Variants in MME observed in about 807,000 individuals in gnomAD.
The protein encoded by MME is membrane metalloendopeptidase.
Under a neutral mutation model 113.2 loss-of-function variants are expected in MME, and 98 were observed. The ratio of observed to expected loss-of-function variants is 0.87; its 90% confidence interval spans 0.74 to 1.02. The LOEUF (loss-of-function observed/expected upper bound fraction) is 1.02, where lower values mean the gene tolerates loss of function less well. MME is among the 50% of genes least tolerant of loss of function. The probability of loss-of-function intolerance (pLI) is 0.00; values close to 1 mark genes in which losing one functional copy is unlikely to be tolerated. For missense variants in MME, 836 were observed against 896.0 expected (o/e 0.93, Z 0.86); for synonymous variants, 292 against 300.6 (o/e 0.97, Z 0.30).
rs1442111121 is a variant in MME, at chr3:155,142,272, T to C, written c.1130T>C (p.Met377Thr). 1 of 1,613,572 alleles carries C rather than the reference T, an allele frequency of 6.2e-7. No individual in the cohort carries two copies. The highest frequency in any genetic ancestry group is 1.3e-5 in the African/African-American group (1 of 74,864). ...LQNLMSWRFI[M>T]DLVSSLSRTY... ...AATTTAATGTCCTGGAGATTCATAA[T>C]GGATCTTGTAAGCAGCCTCAGCCGA... is the stretch of plus-strand genomic sequence containing the variant. Residue 377 changes from methionine to threonine, a missense_variant, in exon 12 of 23, where the codon ATG becomes ACG. Coordinates refer to ENST00000360490, the MANE Select transcript of MME (RefSeq NM_007289.4).
intron 1 of MME, among the ~76,000 whole-genome samples, chr3:155,072,849 TGTTTACCAAA>T (rs1449539898): frequency 1.3e-5 from 2 of 152,194 alleles, no homozygotes; most frequent in Non-Finnish European, 2.9e-5. Flanking sequence ...TTTCTAAAAT[TGTTTACCAAA>T]GTTTACCAAA....
At position 155,182,830 on chromosome 3, in the gene MME, A is replaced by G. The variant is rs1485142167; in HGVS notation, c.*2371A>G. 1.3e-5 allele frequency: 2 copies of G among 152,238 alleles called. No individual in the cohort carries two copies. The highest frequency in any genetic ancestry group is 4.8e-5 in the African/African-American group (2 of 41,456). The allele number at this position is 152,238 out of a possible 1,614,324, so 9.4% of individuals were successfully genotyped here. ...GCCTAAAGGATAGATCAAAGTCAAAAATAGCAATGCCTCCCTATCCCTCAC... is the reference window on the plus strand; with the variant it reads ...GCCTAAAGGATAGATCAAAGTCAAAGATAGCAATGCCTCCCTATCCCTCAC... On this transcript the variant is annotated 3_prime_UTR_variant, in exon 23 of 23. Coordinates refer to ENST00000360490, the MANE Select transcript of MME (RefSeq NM_007289.4).
chr3:155,165,696 A>G (rs1723042388), intron 17 of MME, among the ~76,000 whole-genome samples: 1 of 152,188 alleles, frequency 6.6e-6, no homozygotes, highest in Non-Finnish European at 1.5e-5. Flanking sequence ...TGAGACAAGG[A>G]ATGAGAGTAT....
chr3:155,100,794 G>A (rs1275195394), intron 3 of MME, among the ~76,000 whole-genome samples: 2 of 152,192 alleles, frequency 1.3e-5, no homozygotes, highest in Non-Finnish European at 2.9e-5. Flanking sequence ...TGAGGCAGCA[G>A]GATCACTTGA....
intron 1 of MME, among the ~76,000 whole-genome samples, chr3:155,082,907 A>C (rs1411277455): frequency 6.6e-6 from 1 of 152,194 alleles, no homozygotes; most frequent in African/African-American, 2.4e-5. Context: ...GTGTTCAACA[A>C]AGATCTTTAA....
intron 10 of MME, among the ~76,000 whole-genome samples, 164 bp downstream of exon 10, chr3:155,140,456 GC>G (rs1720992513): frequency 3.0e-5 from 3 of 101,422 alleles, no homozygotes; most frequent in South Asian, 6.7e-4. Flanking sequence ...TCACTCTGTT[GC>G]CCAGGCTGGA....
intron 7 of MME, among the ~76,000 whole-genome samples, chr3:155,117,599 G>GTTTTTTTTTTTT (rs5853715): frequency 2.3e-5 from 3 of 131,436 alleles, no homozygotes; most frequent in African/African-American, 5.8e-5. Context: ...TTTTTTTTTT[G>GTTTTTTTTTTTT]TTTTTTTTTT....
At chr3:155,125,279 C>T (rs1376222005) in intron 8 of MME, among the ~76,000 whole-genome samples, 4 of 113,454 alleles carry the variant, frequency 3.5e-5, no homozygotes, top group Non-Finnish European at 4.0e-5. Context: ...CTTCGGCTCA[C>T]GCACGGTGCG....
rs1436633 is a variant in MME at position 155,148,664 on chromosome 3, T to C, written c.1601+11T>C. The C allele has an allele frequency of 0.35, 550,401 of 1,578,692 alleles. 98,203 individuals are homozygous for C. Among genetic ancestry groups the C allele is most frequent in the African/African-American group, 0.44 (32,921 of 74,100 alleles). On this transcript the variant is annotated intron_variant, in intron 16 of 22. Transcript: ENST00000360490. Reference sequence around the variant, plus strand: ...GGTGGACAAAGATGAGTGCGTATATTCTCATTTCTAATGTGATCATCTAGA... The same window carrying C: ...GGTGGACAAAGATGAGTGCGTATATCCTCATTTCTAATGTGATCATCTAGA...
intron 16 of MME, among the ~76,000 whole-genome samples, chr3:155,154,228 C>T (rs1390380948): frequency 6.6e-6 from 1 of 151,966 alleles, no homozygotes; most frequent in East Asian, 1.9e-4. Flanking sequence ...GGTGGCACAC[C>T]TCTGAAATAA....
chr3:155,172,456 C>T, intron 21 of MME, 80 bp from the exon 22 acceptor site: 2 of 1,149,140 alleles, frequency 1.7e-6, no homozygotes, highest in Non-Finnish European at 1.3e-6. Flanking sequence ...TAATTTTTCT[C>T]CTTCCCCTCA....
rs1576606938 is a variant in MME at position 155,118,798 on chromosome 3, G to A, written c.707G>A (p.Gly236Glu). 1 of 1,599,994 alleles carries A rather than the reference G, an allele frequency of 6.3e-7. No homozygotes were observed. Among genetic ancestry groups the A allele is most frequent in the South Asian group, 1.1e-5 (1 of 90,174 alleles). ...TCTAGAGATTACTATGAATGCACTG[G>A]AATCTATAAAGAGGTAAAAAGAAAA... ...LPSRDYYECT[G>E]IYKEACTAYV... Residue 236 changes from glycine to glutamate, a missense_variant, in exon 8 of 23, where the codon GGA (glycine) becomes GAA (glutamate). Physicochemically the swap from Gly to Glu is moderately conservative, Grantham distance 98. Transcript: ENST00000360490.
intron 14 of MME, among the ~76,000 whole-genome samples, chr3:155,146,845 G>A (rs1018650126): frequency 6.6e-6 from 1 of 152,030 alleles, no homozygotes; most frequent in Admixed American, 6.6e-5. Context: ...GAGAGAAAAA[G>A]TTCATAAAAG....
In MME at chr3:155,115,032, C is replaced by A. The variant is rs1005427481; in HGVS notation, c.235C>A (p.Pro79Thr). The A allele has an allele frequency of 6.2e-7, 1 of 1,613,914 alleles. No homozygotes were observed. Among genetic ancestry groups the A allele is most frequent in the Non-Finnish European group, 8.5e-7 (1 of 1,179,986 alleles). Residue 79 changes from proline to threonine, a missense_variant, in exon 4 of 23, where the codon CCT (proline) becomes ACT (threonine). By Grantham distance (38) the Pro-to-Thr change is conservative (BLOSUM62 -1). Coordinates refer to ENST00000360490, the MANE Select transcript of MME (RefSeq NM_007289.4). ...CCAAAACATGGATGCCACCACTGAG[C>A]CTTGTACAGACTTTTTCAAATATGC... is the stretch of plus-strand genomic sequence containing the variant. ...LIQNMDATTE[P>T]CTDFFKYACG...
intron 1 of MME, among the ~76,000 whole-genome samples, chr3:155,053,537 G>A (rs543216189): frequency 1.3e-5 from 2 of 152,200 alleles, no homozygotes; most frequent in Admixed American, 1.3e-4. Flanking sequence ...AACTGTCCCA[G>A]TTATTCAATT....
At chr3:155,074,075 AC>A (rs1298592503) in intron 1 of MME, among the ~76,000 whole-genome samples, 1 of 151,460 alleles carries the variant, frequency 6.6e-6, no homozygotes, top group Non-Finnish European at 1.5e-5. Flanking sequence ...TTTTCCAACT[AC>A]ACCATCCAGG....
upstream of MME, among the ~76,000 whole-genome samples, chr3:155,078,839 C>T (rs1714876780): frequency 6.6e-6 from 1 of 151,910 alleles, no homozygotes; most frequent in African/African-American, 2.4e-5. Flanking sequence ...TGCCTTTGTG[C>T]CTAAAGTATT....
At chr3:155,101,051 A>C (rs1717160568) in intron 3 of MME, among the ~76,000 whole-genome samples, 1 of 152,086 alleles carries the variant, frequency 6.6e-6, no homozygotes, top group Admixed American at 6.6e-5. Context: ...AGTTTTCATG[A>C]GATCTGGTTG....
rs746979879 is a variant in MME at position 155,144,473 on chromosome 3, C to T, written c.1416+16C>T. ...TGAAGAAAAGGTAAAGAGCAGACAG[C>T]TAACTAGCAAAGAAAAATCTTTGCT... On this transcript the variant is annotated intron_variant, in intron 14 of 22. Coordinates refer to ENST00000360490, the MANE Select transcript of MME (RefSeq NM_007289.4). 6 of 1,522,294 alleles carry T rather than the reference C, an allele frequency of 3.9e-6. No homozygotes were observed. In the Admixed American group the frequency reaches 8.4e-5, roughly 21 times the overall value. The allele number at this position is 1,522,294 out of a possible 1,614,324, so 94.3% of individuals were successfully genotyped here.
Sources: allele counts gnomAD v4.1 joint callset (sites outside exome capture counted in the v4.1 genomes callset), GRCh38; gene constraint gnomAD v4.1.1; transcripts MANE v1.5; gene names NCBI Gene and HGNC (gene_info 2026-07-23, HGNC 2026-07-21).